Variants in RIPOR2 observed in about 807,000 individuals in gnomAD.
RIPOR2 encodes rho family-interacting cell polarization regulator 2.
A neutral mutation model predicts 114.5 loss-of-function variants in RIPOR2; 39 were observed. The observed-to-expected ratio is 0.34, with a 90% CI of 0.26 to 0.44. The LOEUF is 0.44. RIPOR2 is among the 20% of genes least tolerant of loss of function. The probability of loss-of-function intolerance (pLI) is 1.00; values close to 1 mark genes in which losing one functional copy is unlikely to be tolerated. For synonymous variants in RIPOR2, 445 were observed against 484.4 expected, an observed-to-expected ratio of 0.92 and a Z score of 1.07; for missense variants, 1,007 against 1,255.1, an observed-to-expected ratio of 0.80 and a Z score of 2.99.
chr6:24,856,181 T>C (rs1439835677), intron 8 of RIPOR2, among the ~76,000 whole-genome samples: 1 of 151,904 alleles, frequency 6.6e-6, no homozygotes, highest in Non-Finnish European at 1.5e-5. Context: ...CACTTGTCAG[T>C]AGGTGGCAGA....
intron 8 of RIPOR2, among the ~76,000 whole-genome samples, chr6:24,860,265 C>G (rs1763937873): frequency 6.9e-6 from 1 of 144,126 alleles, no homozygotes; most frequent in African/African-American, 2.6e-5. Flanking sequence ...AAGAAGCCAA[C>G]AGACAAGCTA....
At chr6:24,988,059 CTCTT>C (rs560175872) in intron 1 of RIPOR2, among the ~76,000 whole-genome samples, 86 of 152,356 alleles carry the variant, frequency 5.6e-4, no homozygotes, top group African/African-American at 1.7e-3. Context: ...ATTTTCAAGA[CTCTT>C]TCAGTTCAGA....
At chr6:24,874,967 T>G (rs1471853428) in intron 2 of RIPOR2, among the ~76,000 whole-genome samples, 1 of 152,180 alleles carries the variant, frequency 6.6e-6, no homozygotes, top group South Asian at 2.1e-4. Flanking sequence ...AGTACTGATC[T>G]AATTAGGAGA....
intron 1 of RIPOR2, among the ~76,000 whole-genome samples, chr6:24,996,913 G>A (rs1432750691): frequency 6.6e-5 from 10 of 152,172 alleles, no homozygotes; most frequent in African/African-American, 1.4e-4. Context: ...ACTCACAGGC[G>A]GTACAGAACA....
intron 1 of RIPOR2, among the ~76,000 whole-genome samples, chr6:24,889,155 G>A (rs975520613): frequency 2.0e-5 from 3 of 152,170 alleles, no homozygotes; most frequent in African/African-American, 7.2e-5. Context: ...GGATCATCAA[G>A]AGATGCAGTT....
chr6:25,035,050 T>C (rs1184374487), intron 1 of RIPOR2, among the ~76,000 whole-genome samples: 1 of 152,212 alleles, frequency 6.6e-6, no homozygotes, highest in East Asian at 1.9e-4. Flanking sequence ...TTTGAAGGTA[T>C]ATAAATAATT....
chr6:24,820,025 A>G (rs1022517860), intron 19 of RIPOR2, among the ~76,000 whole-genome samples: 51 of 151,818 alleles, frequency 3.4e-4, no homozygotes, highest in African/African-American at 1.2e-3. Context: ...TTTATTTTCT[A>G]TTTTTATTTA....
intron 1 of RIPOR2, among the ~76,000 whole-genome samples, chr6:24,992,886 G>T (rs1388250364): frequency 6.6e-6 from 1 of 152,094 alleles, no homozygotes; most frequent in Admixed American, 6.5e-5. Flanking sequence ...AAAACCTCAT[G>T]ATTTTAAAAC....
intron 1 of RIPOR2, chr6:24,947,945 A>G (rs1408668482): frequency 6.6e-6 from 1 of 152,144 alleles, no homozygotes; most frequent in Non-Finnish European, 1.5e-5. Flanking sequence ...ACGCTCTTAT[A>G]ATTATTTTCC....
chr6:24,935,886 C>CA lies in RIPOR2; in HGVS notation c.12dup (p.Asp5Ter). 1 of 1,535,368 alleles carries CA rather than the reference C, an allele frequency of 6.5e-7. No individual in the cohort carries two copies. Among genetic ancestry groups the CA allele is most frequent in the South Asian group, 1.2e-5 (1 of 84,046 alleles). On this transcript the variant is annotated frameshift_variant, in exon 1 of 22. Coordinates refer to ENST00000643898, the MANE Select transcript of RIPOR2 (RefSeq NM_001286445.3). LOFTEE classifies it high-confidence loss of function. ...TCATCGACCAGGAGCTCCTCAGCAT[C>CA]AAAAAACTGCATCTTGGAGAGGACA... is the stretch of plus-strand genomic sequence containing the variant.
At chr6:25,040,740 C>A (rs1215682812) in intron 1 of RIPOR2, among the ~76,000 whole-genome samples, 4 of 151,640 alleles carry the variant, frequency 2.6e-5, no homozygotes, top group East Asian at 1.9e-4. Flanking sequence ...TTACAGGCGT[C>A]CACCACCACG....
intron 1 of RIPOR2, among the ~76,000 whole-genome samples, chr6:25,026,926 C>T (rs1055617375): frequency 1.3e-5 from 2 of 152,174 alleles, no homozygotes; most frequent in African/African-American, 4.8e-5. Flanking sequence ...GGCCCTAGAC[C>T]ACTCCCGGGC....
In RIPOR2 at chr6:24,869,136, T is replaced by G. The variant is rs757756447; in HGVS notation, c.459A>C (p.Thr153=). 5.1e-6 allele frequency: 8 copies of G among 1,574,952 alleles called. No individual in the cohort carries two copies. The South Asian group carries it at 6.8e-5, about 13-fold the overall frequency. Residue 153 remains threonine, a synonymous_variant, in exon 6 of 22, where the codon ACA becomes ACC. Transcript: ENST00000643898. ...CCAGGCGTCTCATGTATCTTTCAATTGTTTTAATTTGCTGGAATTAAAAGA... is the reference window on the plus strand; with the variant it reads ...CCAGGCGTCTCATGTATCTTTCAATGGTTTTAATTTGCTGGAATTAAAAGA... ...VLYDLDKQIK[T]IERYMRRLEF...
chr6:24,998,540 C>T (rs1775147181), intron 1 of RIPOR2, among the ~76,000 whole-genome samples: 1 of 152,152 alleles, frequency 6.6e-6, no homozygotes, highest in Admixed American at 6.5e-5. Flanking sequence ...TATTTCTAAC[C>T]CAGAAAATCT....
At chr6:24,991,664 T>C (rs1325783484) in intron 1 of RIPOR2, among the ~76,000 whole-genome samples, 9 of 152,192 alleles carry the variant, frequency 5.9e-5, no homozygotes, top group Admixed American at 5.9e-4. Context: ...CTTGGAGCCC[T>C]GAGAAGTCCT....
chr6:24,905,037 A>G (rs1326782503), intron 1 of RIPOR2, among the ~76,000 whole-genome samples: 1 of 152,018 alleles, frequency 6.6e-6, no homozygotes, highest in Non-Finnish European at 1.5e-5. Context: ...AGCCTCCCCA[A>G]GTGTTGGGAT....
chr6:25,031,730 T>TCC (rs1776967470), intron 1 of RIPOR2, among the ~76,000 whole-genome samples: 2 of 109,154 alleles, frequency 1.8e-5, no homozygotes, highest in South Asian at 2.6e-4. Flanking sequence ...TATATATATA[T>TCC]ATATATATAT....
chr6:24,818,214 C>T (rs1216169177), intron 20 of RIPOR2, among the ~76,000 whole-genome samples: 2 of 152,026 alleles, frequency 1.3e-5, no homozygotes, highest in Non-Finnish European at 2.9e-5. Context: ...CCACCGGCCT[C>T]GGCCTCCCAA....
chr6:24,924,499 T>A (rs1770721587), intron 1 of RIPOR2, among the ~76,000 whole-genome samples: 1 of 152,164 alleles, frequency 6.6e-6, no homozygotes, highest in African/African-American at 2.4e-5. Flanking sequence ...AGATCCTTAG[T>A]CTTACGGTGT....
Sources: gnomAD v4.1 joint callset for allele counts (sites outside exome capture counted in the v4.1 genomes callset) on GRCh38, gnomAD v4.1.1 for gene constraint, MANE v1.5 for transcripts, NCBI Gene and HGNC (gene_info 2026-07-23, HGNC 2026-07-21) for gene names.